MYOM1: variants seen among roughly 807,000 people sequenced by gnomAD.
The protein encoded by MYOM1 is myomesin 1, also known as myomesin-1.
Under a neutral mutation model 205.3 loss-of-function variants are expected in MYOM1, and 164 were observed. The observed-to-expected ratio is 0.80, with a 90% CI of 0.70 to 0.91. The LOEUF (loss-of-function observed/expected upper bound fraction) is 0.91, where lower values mean the gene tolerates loss of function less well. Ranked by LOEUF, MYOM1 falls within the 40% of genes least tolerant of loss-of-function variation. The pLI, the probability that MYOM1 is intolerant of heterozygous loss-of-function variation, is 0.00. For missense variants in MYOM1, 2,011 were observed against 2,127.3 expected (o/e 0.95, Z 1.08); for synonymous variants, 772 against 789.4 (o/e 0.98, Z 0.37).
chr18:3,173,809 TA>T, intron 8 of MYOM1, 128 bp downstream of exon 8: 1 of 765,744 alleles, frequency 1.3e-6, no homozygotes, highest in South Asian at 2.0e-5. Flanking sequence ...TAACCACAGG[TA>T]CCTACTACAT....
At chr18:3,147,431 G>A (rs1445865138) in intron 13 of MYOM1, among the ~76,000 whole-genome samples, 1 of 151,994 alleles carries the variant, frequency 6.6e-6, no homozygotes, top group Non-Finnish European at 1.5e-5. Flanking sequence ...ACTCAATGCT[G>A]TTCGGCTGAA....
At chr18:3,114,544 A>ATTTTTTTT (rs5822738) in intron 21 of MYOM1, among the ~76,000 whole-genome samples, 16 of 88,340 alleles carry the variant, frequency 1.8e-4, no homozygotes, top group Admixed American at 6.1e-4. Context: ...TGGTCAGCTA[A>ATTTTTTTT]TTTTTTTTTT....
At chr18:3,175,013 A>C (rs1008319591) in intron 6 of MYOM1, among the ~76,000 whole-genome samples, 6 of 151,906 alleles carry the variant, frequency 3.9e-5, no homozygotes, top group Non-Finnish European at 7.4e-5. Context: ...CGTGTTCTTC[A>C]TTGTTTCTCG....
At chr18:3,206,977 T>C (rs2081131070) in intron 2 of MYOM1, among the ~76,000 whole-genome samples, 1 of 151,956 alleles carries the variant, frequency 6.6e-6, no homozygotes, top group South Asian at 2.1e-4. Context: ...CATTTTACTC[T>C]TAGCCATATC....
intron 37 of MYOM1, among the ~76,000 whole-genome samples, chr18:3,069,635 CTG>C (rs1001005878): frequency 3.3e-5 from 5 of 152,040 alleles, no homozygotes; most frequent in African/African-American, 9.7e-5. Flanking sequence ...CTTTTGGAAA[CTG>C]TGATTACTTG....
chr18:3,177,445 C>CATCATTATT (rs1470523868), intron 5 of MYOM1, among the ~76,000 whole-genome samples: 5 of 139,262 alleles, frequency 3.6e-5, no homozygotes, highest in Non-Finnish European at 4.6e-5. Context: ...GAAGCAATAT[C>CATCATTATT]ATTATTATTA....
intron 5 of MYOM1, 115 bp from the exon 6 acceptor site, chr18:3,176,249 G>C: frequency 1.6e-6 from 1 of 622,258 alleles, no homozygotes; most frequent in Non-Finnish European, 2.9e-6. Context: ...ACTGAGGGTA[G>C]CAGCAGCATC....
chr18:3,229,158 C>G, the MYOM1 span, among the ~76,000 whole-genome samples: 175 of 152,310 alleles, frequency 1.1e-3, no homozygotes, highest in African/African-American at 4.1e-3. Flanking sequence ...TTTTGAGAGG[C>G]CTTTTTTAGC....
intron 36 of MYOM1, among the ~76,000 whole-genome samples, chr18:3,072,370 T>TTTG (rs768555182): frequency 6.0e-5 from 7 of 116,006 alleles, no homozygotes; most frequent in South Asian, 2.8e-4. Context: ...TTTTTTTTTT[T>TTTG]TGAGGCAGAG....
rs1298047805 is a variant in MYOM1 at position 3,209,734 on chromosome 18, C to T, written c.290+5200G>A. On this transcript the variant is annotated intron_variant, in intron 2 of 37. Coordinates refer to ENST00000356443, the MANE Select transcript of MYOM1 (RefSeq NM_003803.4). This position sits in a 1 kb window ranked among gnomAD's most constrained non-coding sequence, Gnocchi z 4.0. ...CTCTCTGAGCTACTTCACTTCTTTG[C>T]TCAGATATCACCTTCTCAACAAGGC... Among the ~76,000 whole-genome samples the T allele has an allele frequency of 1.3e-5, 2 of 152,180 alleles. No individual in the cohort carries two copies. The highest frequency in any genetic ancestry group is 1.9e-4 in the East Asian group (1 of 5,198).
At chr18:3,176,198 C>T (rs1391594459) in intron 5 of MYOM1, 64 bp from the exon 6 acceptor site, 2 of 931,750 alleles carry the variant, frequency 2.1e-6, no homozygotes, top group Non-Finnish European at 3.5e-6. Flanking sequence ...ATTAAACACA[C>T]ACACAATTCT....
At chr18:3,139,599 A>G (rs564636866) in intron 14 of MYOM1, among the ~76,000 whole-genome samples, 15 of 152,340 alleles carry the variant, frequency 9.8e-5, no homozygotes, top group East Asian at 9.6e-4. Context: ...CAGCTACATC[A>G]GAAATAATTT....
In MYOM1 at chr18:3,149,202, C is replaced by T. The variant is rs749931927; in HGVS notation, c.1844-1G>A. 3.1e-6 allele frequency: 5 copies of T among 1,611,122 alleles called. No individual in the cohort carries two copies. On this transcript the variant is annotated splice_acceptor_variant, in intron 12 of 37. Coordinates refer to ENST00000356443, the MANE Select transcript of MYOM1 (RefSeq NM_003803.4). LOFTEE classifies it high-confidence loss of function. ...CCAGTCCAGGGTGCTGAGGGGCGACCTGAATAAAGACAAATATAAGAATCA... is the reference window on the plus strand; with the variant it reads ...CCAGTCCAGGGTGCTGAGGGGCGACTTGAATAAAGACAAATATAAGAATCA...
At chr18:3,191,324 G>A (rs2080901951) in intron 3 of MYOM1, among the ~76,000 whole-genome samples, 2 of 152,160 alleles carry the variant, frequency 1.3e-5, no homozygotes. Flanking sequence ...TGAGTGCAGA[G>A]GGCATGTCCA....
intron 13 of MYOM1, 71 bp downstream of exon 13, chr18:3,149,074 C>A (rs1292549681): frequency 1.6e-6 from 2 of 1,238,796 alleles, no homozygotes; most frequent in Non-Finnish European, 2.4e-6. Flanking sequence ...ACACACTGCA[C>A]CCTCCACAAC....
At chr18:3,159,394 G>A (rs1225789934) in intron 10 of MYOM1, among the ~76,000 whole-genome samples, 3 of 152,040 alleles carry the variant, frequency 2.0e-5, no homozygotes, top group Non-Finnish European at 2.9e-5. Flanking sequence ...AAGTGACCTC[G>A]TGCAGCTCAA....
intron 2 of MYOM1, 146 bp downstream of exon 2, chr18:3,214,788 T>A: frequency 1.2e-6 from 1 of 868,890 alleles, no homozygotes; most frequent in Non-Finnish European, 1.7e-6. Context: ...ATCACGCCAT[T>A]GCACTCCAGC....
upstream of MYOM1, among the ~76,000 whole-genome samples, chr18:3,220,731 A>T (rs1339324641): frequency 6.6e-6 from 1 of 152,038 alleles, no homozygotes; most frequent in African/African-American, 2.4e-5. Flanking sequence ...ATCTCCAGCA[A>T]TTTATTTCTC....
intron 1 of MYOM1, among the ~76,000 whole-genome samples, chr18:3,216,006 G>A (rs1442384885): frequency 6.6e-6 from 1 of 152,156 alleles, no homozygotes; most frequent in Non-Finnish European, 1.5e-5. Context: ...AGTGGGTCAC[G>A]CCTGTAATCC....
Sources: allele counts gnomAD v4.1 joint callset (sites outside exome capture counted in the v4.1 genomes callset), GRCh38; gene constraint gnomAD v4.1.1; non-coding constraint Gnocchi (gnomAD v3.1); transcripts MANE v1.5; gene names NCBI Gene and HGNC (gene_info 2026-07-23, HGNC 2026-07-21).